MDM1: variants seen among roughly 807,000 people sequenced by gnomAD.
The protein encoded by MDM1 is Mdm1 nuclear protein.
MDM1 carries 61 observed loss-of-function variants against 89.1 expected under a neutral mutation model. The ratio of observed to expected loss-of-function variants is 0.68; its 90% CI spans 0.56 to 0.85. The LOEUF (loss-of-function observed/expected upper bound fraction) is 0.85, where lower values mean the gene tolerates loss of function less well. Ranked by LOEUF, MDM1 falls within the 40% of genes least tolerant of loss-of-function variation. MDM1 has a pLI of 0.00. For synonymous variants in MDM1, 290 were observed against 294.1 expected (o/e 0.99, Z 0.14); for missense variants, 820 against 846.5 (o/e 0.97, Z 0.39).
chr12:68,303,936 C>T (rs528724531), intron 12 of MDM1, among the ~76,000 whole-genome samples: 2 of 152,246 alleles, frequency 1.3e-5, no homozygotes, highest in African/African-American at 4.8e-5. Context: ...AACAATTTTA[C>T]TTTTTAAAAG....
intron 7 of MDM1, among the ~76,000 whole-genome samples, chr12:68,320,505 C>G (rs867761837): frequency 3.3e-5 from 5 of 152,164 alleles, no homozygotes; most frequent in Admixed American, 3.3e-4. Context: ...GCTCAAAGAA[C>G]CAGCAGCTCA....
At chr12:68,310,168 C>T (rs1264424697) in intron 12 of MDM1, among the ~76,000 whole-genome samples, 1 of 152,112 alleles carries the variant, frequency 6.6e-6, no homozygotes, top group Non-Finnish European at 1.5e-5. Context: ...ACAAGATTTC[C>T]CCATGTTGGC....
At chr12:68,300,730 C>G (rs1026624554) in intron 13 of MDM1, among the ~76,000 whole-genome samples, 35 of 152,026 alleles carry the variant, frequency 2.3e-4, no homozygotes, top group African/African-American at 8.5e-4. Context: ...CTTCAATACT[C>G]CACTGACAGC....
intron 4 of MDM1, chr12:68,323,532 T>C (rs1875529978): frequency 5.3e-6 from 1 of 189,174 alleles, no homozygotes; most frequent in Non-Finnish European, 1.1e-5. Context: ...CTGTTGTCAG[T>C]TCTACAGGTT....
At chr12:68,329,872 A>G (rs1876537720) in intron 2 of MDM1, among the ~76,000 whole-genome samples, 1 of 152,244 alleles carries the variant, frequency 6.6e-6, no homozygotes, top group South Asian at 2.1e-4. Context: ...GTGTGATAAC[A>G]AGAACATGAC....
At chr12:68,320,435 C>A (rs902966806) in intron 7 of MDM1, among the ~76,000 whole-genome samples, 1 of 152,154 alleles carries the variant, frequency 6.6e-6, no homozygotes, top group Admixed American at 6.5e-5. Context: ...AATCAAGTGA[C>A]CTCCTGAAAC....
At chr12:68,323,524 G>A (rs1050918639) in intron 4 of MDM1, 2 of 196,826 alleles carry the variant, frequency 1.0e-5, no homozygotes, top group African/African-American at 4.6e-5. Context: ...AGGCAACTCT[G>A]TTGTCAGTTC....
chr12:68,324,184 A>G (rs537306127), intron 4 of MDM1, among the ~76,000 whole-genome samples: 47 of 152,248 alleles, frequency 3.1e-4, no homozygotes, highest in African/African-American at 1.1e-3. Context: ...GATTTCTCTT[A>G]TAAAAGTAAC....
chr12:68,317,647 CA>C (rs35602965), intron 7 of MDM1, among the ~76,000 whole-genome samples: 1 of 150,068 alleles, frequency 6.7e-6, no homozygotes, highest in African/African-American at 2.4e-5. Context: ...TCTTCACTGC[CA>C]AAAAAAAAGC....
rs182404187 is a variant in MDM1 at position 68,318,492 on chromosome 12, A to C, written c.1006-1882T>G. Among the ~76,000 whole-genome samples, 223 of 152,310 alleles carry C rather than the reference A, an allele frequency of 1.5e-3. 1 individual carries two copies. Among genetic ancestry groups the C allele is most frequent in the African/African-American group, 4.9e-3 (203 of 41,566 alleles). On this transcript the variant is annotated intron_variant, in intron 7 of 14. Coordinates refer to ENST00000682720, the MANE Select transcript of MDM1 (RefSeq NM_001354969.2). ...TGACATTTAAAACTAAGTGCTTTAA[A>C]TTTACTATATCAACAATCTTTATTA... is the stretch of plus-strand genomic sequence containing the variant.
intron 12 of MDM1, among the ~76,000 whole-genome samples, chr12:68,309,499 C>T (rs143684424): frequency 4.5e-4 from 68 of 152,276 alleles, no homozygotes; most frequent in African/African-American, 1.5e-3. Context: ...CCTTACCAGA[C>T]TGCAGGTTTC....
rs374673461 is a variant in MDM1 at position 68,323,086 on chromosome 12, G to C, written c.788C>G (p.Ser263Cys). The C allele has an allele frequency of 3.5e-5, 56 of 1,606,128 alleles. No homozygotes were observed. The African/African-American group carries it at 6.5e-4, about 19-fold the overall frequency. ...LRENRNLETV[S>C]PERKSNKIDD... The stretch of plus-strand genomic sequence containing the variant: ...GTTGATGAATACCTTCCTTTCAGGA[G>C]ACACTGTTTCAAGATTTCTGTTTTC... Residue 263 changes from serine to cysteine, a missense_variant, in exon 5 of 15, where the codon TCT (serine) becomes TGT (cysteine). Physicochemically the swap from Ser to Cys is moderately radical, Grantham distance 112. Transcript: ENST00000682720.
chr12:68,314,203 C>A (rs1487913103), intron 10 of MDM1, among the ~76,000 whole-genome samples: 7 of 150,384 alleles, frequency 4.7e-5, no homozygotes, highest in African/African-American at 1.7e-4. Context: ...CCACCAAATC[C>A]ACATGCAGTT....
chr12:68,322,442 G>A (rs1309677259), intron 5 of MDM1, among the ~76,000 whole-genome samples: 1 of 152,100 alleles, frequency 6.6e-6, no homozygotes, highest in African/African-American at 2.4e-5. Flanking sequence ...AGACCAGCCT[G>A]GCCAACACAG....
chr12:68,315,729 T>C (rs868076567), intron 9 of MDM1, among the ~76,000 whole-genome samples: 1 of 152,258 alleles, frequency 6.6e-6, no homozygotes, highest in Non-Finnish European at 1.5e-5. Flanking sequence ...ATAATAGCTA[T>C]GTATTAATAG....
At chr12:68,319,535 G>A (rs1319347903) in intron 7 of MDM1, among the ~76,000 whole-genome samples, 1 of 152,062 alleles carries the variant, frequency 6.6e-6, no homozygotes, top group Admixed American at 6.5e-5. Flanking sequence ...TTATATTTAG[G>A]AACCTCATAA....
At position 68,296,978 on chromosome 12, in the gene MDM1, T is replaced by C. The variant is rs756582334; in HGVS notation, c.2007A>G (p.Gly669=). 6.5e-5 allele frequency: 103 copies of C among 1,592,294 alleles called. 1 individual carries two copies. The highest frequency in any genetic ancestry group is 1.1e-4 in the Admixed American group (6 of 55,966). The change falls in exon 14 of 15, where the codon GGA becomes GGG. Residue 669 remains glycine (G), a synonymous_variant. Transcript: ENST00000682720. ...ACTGCAAATTGTTCATCCTTGCTTT[T>C]CCCACTTAAAAAAAAAAAGGCAGAA... ...LRDPEFQHNV[G]KARMNNLQLP... is the part of the protein sequence containing the mutation.
intron 7 of MDM1, among the ~76,000 whole-genome samples, chr12:68,317,035 C>CTTT (rs574382711): frequency 2.0e-5 from 3 of 146,610 alleles, no homozygotes; most frequent in Admixed American, 6.8e-5. Flanking sequence ...AAAATCTCAA[C>CTTT]TTTTTTTTTT....
chr12:68,307,352 G>A (rs570493151), intron 12 of MDM1, among the ~76,000 whole-genome samples: 32 of 152,270 alleles, frequency 2.1e-4, no homozygotes, highest in African/African-American at 6.5e-4. Context: ...TAAAATTCAG[G>A]CTGGGCACAG....
Sources: gnomAD v4.1 joint callset for allele counts (sites outside exome capture counted in the v4.1 genomes callset) on GRCh38, gnomAD v4.1.1 for gene constraint, MANE v1.5 for transcripts, NCBI Gene and HGNC (gene_info 2026-07-23, HGNC 2026-07-21) for gene names.